The following COPG2 variants were observed in gnomAD, a reference collection of about 807,000 sequenced individuals.
COPG2 encodes coat protein complex I subunit gamma 2, also known as coatomer subunit gamma-2.
COPG2 carries 37 observed loss-of-function variants against 46.3 expected under a neutral mutation model. That is an observed-to-expected ratio of 0.80 (90% CI 0.61 to 1.05). COPG2 has a LOEUF of 1.05. Among genes scored for constraint, COPG2 ranks in the 50% least tolerant of loss-of-function variants. The pLI is 0.00. For synonymous variants in COPG2, 159 were observed against 129.7 expected (o/e 1.23, Z -1.53); for missense variants, 427 against 387.8 (o/e 1.10, Z -0.85).
intron 20 of COPG2, among the ~76,000 whole-genome samples, chr7:130,516,547 G>A (rs956815801): frequency 6.6e-6 from 1 of 152,164 alleles, no homozygotes; most frequent in African/African-American, 2.4e-5. Context: ...AAATCGCAAA[G>A]AAGGAGAGAA....
intron 9 of COPG2, among the ~76,000 whole-genome samples, chr7:130,603,286 T>C (rs936763608): frequency 3.8e-4 from 58 of 152,366 alleles, no homozygotes; most frequent in African/African-American, 1.3e-3. Context: ...TTCATTTGTG[T>C]ATGACTTCTT....
intron 9 of COPG2, among the ~76,000 whole-genome samples, chr7:130,588,176 G>A (rs1347738552): frequency 6.6e-6 from 1 of 151,584 alleles, no homozygotes; most frequent in Non-Finnish European, 1.5e-5. Context: ...GGAGAAATAG[G>A]AACACTTTTA....
Position 130,506,580 on chromosome 7 carries a change from C to CT in COPG2, c.*95_*96insA. 1.9e-6 allele frequency: 1 copy of CT among 518,344 alleles called. No homozygotes were observed. Among genetic ancestry groups the CT allele is most frequent in the South Asian group, 3.0e-5 (1 of 33,514 alleles). 32.1% of individuals were successfully genotyped at this position (518,344 alleles called of 1,614,324 possible). On this transcript the variant is annotated 3_prime_UTR_variant, in exon 24 of 24. Coordinates refer to ENST00000425248, the MANE Select transcript of COPG2 (RefSeq NM_012133.6). ...TTTAATTTGCTTCTCCAAAGTCATTCATCTTCAAAAGTCTGATTCTGGGAA... is the reference window on the plus strand; with the variant it reads ...TTTAATTTGCTTCTCCAAAGTCATTCTATCTTCAAAAGTCTGATTCTGGGAA...
intron 5 of COPG2, among the ~76,000 whole-genome samples, chr7:130,624,132 T>C (rs1795080031): frequency 1.3e-5 from 2 of 152,094 alleles, no homozygotes; most frequent in African/African-American, 4.8e-5. Context: ...AGTCTTTTCA[T>C]AAGGGCACTA....
intron 9 of COPG2, among the ~76,000 whole-genome samples, chr7:130,590,466 C>T (rs549087781): frequency 5.1e-4 from 77 of 152,262 alleles, no homozygotes; most frequent in Middle Eastern, 3.4e-3. Flanking sequence ...CTGTGTTGGC[C>T]GGGCTGGTCT....
chr7:130,615,032 C>G (rs1356727905), intron 6 of COPG2, among the ~76,000 whole-genome samples: 1 of 152,130 alleles, frequency 6.6e-6, no homozygotes, highest in Non-Finnish European at 1.5e-5. Flanking sequence ...AGGAGGAAGA[C>G]TTGTTGTTCT....
intron 2 of COPG2, among the ~76,000 whole-genome samples, chr7:130,667,260 A>C (rs782533323): frequency 3.3e-5 from 5 of 152,228 alleles, no homozygotes; most frequent in Non-Finnish European, 4.4e-5. Flanking sequence ...TCTTACATTT[A>C]AAATTCCCAA....
At chr7:130,605,038 A>G (rs942654464) in intron 9 of COPG2, among the ~76,000 whole-genome samples, 3 of 152,214 alleles carry the variant, frequency 2.0e-5, no homozygotes, top group African/African-American at 7.2e-5. Context: ...ATTTCTTCAT[A>G]TATCTTTTTT....
chr7:130,591,601 G>T (rs1360332537), intron 9 of COPG2, among the ~76,000 whole-genome samples: 2 of 139,336 alleles, frequency 1.4e-5, no homozygotes, highest in East Asian at 2.3e-4. Flanking sequence ...GGAAGGAGGT[G>T]GGGGGGTCAG....
chr7:130,577,589 G>A (rs1390575521), intron 9 of COPG2, among the ~76,000 whole-genome samples: 4 of 151,256 alleles, frequency 2.6e-5, no homozygotes, highest in African/African-American at 4.9e-5. Flanking sequence ...GTGAAACCCC[G>A]TCTCTACTAA....
At chr7:130,527,922 A>C (rs1264461415) in intron 20 of COPG2, among the ~76,000 whole-genome samples, 1 of 152,172 alleles carries the variant, frequency 6.6e-6, no homozygotes, top group Non-Finnish European at 1.5e-5. Flanking sequence ...TGGAGGAGTG[A>C]GGCCCAGAGA....
intron 5 of COPG2, among the ~76,000 whole-genome samples, chr7:130,651,494 ATTTTTTTTTTTTTTT>A (rs59572019): frequency 3.8e-4 from 22 of 57,250 alleles, no homozygotes; most frequent in Middle Eastern, 0.018. Context: ...ATTTTTTTGT[ATTTTTTTTTTTTTTT>A]TTTTTTTTTT....
chr7:130,542,143 GC>G (rs1465489798), intron 20 of COPG2, among the ~76,000 whole-genome samples: 3 of 134,286 alleles, frequency 2.2e-5, no homozygotes, highest in African/African-American at 9.9e-5. Flanking sequence ...AGCAAGGGAG[GC>G]ATGCCAAGAG....
At chr7:130,568,594 C>T (rs943920547) in intron 9 of COPG2, among the ~76,000 whole-genome samples, 17 of 152,156 alleles carry the variant, frequency 1.1e-4, no homozygotes, top group African/African-American at 2.7e-4. Flanking sequence ...ATGAGATAGA[C>T]GGCAACGCAA....
intron 3 of COPG2, 47 bp downstream of exon 3, chr7:130,666,802 T>C: frequency 1.2e-6 from 1 of 829,280 alleles, no homozygotes. Flanking sequence ...ATCTTCAGTA[T>C]TTCTATTCCA....
chr7:130,536,803 G>C (rs1423297908), intron 20 of COPG2, among the ~76,000 whole-genome samples: 3 of 152,186 alleles, frequency 2.0e-5, no homozygotes, highest in Non-Finnish European at 4.4e-5. Context: ...GCCTCGGTCC[G>C]AGACTCGAGG....
intron 9 of COPG2, among the ~76,000 whole-genome samples, chr7:130,577,787 A>AAAAAG (rs1794037977): frequency 6.6e-6 from 1 of 150,658 alleles, no homozygotes; most frequent in African/African-American, 2.4e-5. Flanking sequence ...AAAAAAAAAA[A>AAAAAG]ACAAAAAAAA....
chr7:130,627,357 C>A (rs1331729782), intron 5 of COPG2, among the ~76,000 whole-genome samples: 1 of 152,124 alleles, frequency 6.6e-6, no homozygotes, highest in African/African-American at 2.4e-5. Flanking sequence ...TCTTCCTATG[C>A]CCAACTTATC....
intron 5 of COPG2, among the ~76,000 whole-genome samples, chr7:130,647,268 T>C (rs1795630977): frequency 6.6e-6 from 1 of 152,056 alleles, no homozygotes. Flanking sequence ...ACTCCTGACC[T>C]AAAGTGATCC....
Sources: gnomAD v4.1 joint callset for allele counts (sites outside exome capture counted in the v4.1 genomes callset) on GRCh38, gnomAD v4.1.1 for gene constraint, MANE v1.5 for transcripts, NCBI Gene and HGNC (gene_info 2026-07-23, HGNC 2026-07-21) for gene names.